The following COPG2 variants were observed in gnomAD, a reference collection of about 807,000 sequenced individuals.
The protein encoded by COPG2 is coat protein complex I subunit gamma 2, also known as coatomer subunit gamma-2.
A neutral mutation model predicts 46.3 loss-of-function variants in COPG2; 37 were observed. The ratio of observed to expected loss-of-function variants is 0.80; its 90% confidence interval spans 0.61 to 1.05. The LOEUF is 1.05. Among genes scored for constraint, COPG2 ranks in the 50% least tolerant of loss-of-function variants. The pLI is 0.00. For synonymous variants in COPG2, 159 were observed against 129.7 expected, an observed-to-expected ratio of 1.23 and a Z score of -1.53; for missense variants, 427 against 387.8, an observed-to-expected ratio of 1.10 and a Z score of -0.85.
intron 20 of COPG2, among the ~76,000 whole-genome samples, chr7:130,543,063 G>C (rs1411363621): frequency 2.6e-5 from 4 of 152,132 alleles, no homozygotes; most frequent in African/African-American, 9.7e-5. Flanking sequence ...CCTTATAGAG[G>C]GTGATGGTAA....
intron 6 of COPG2, among the ~76,000 whole-genome samples, chr7:130,616,577 G>A (rs781894714): frequency 1.3e-5 from 2 of 152,114 alleles, no homozygotes; most frequent in South Asian, 2.1e-4. Context: ...GCGAAAGCAC[G>A]AGACTCCGAC....
intron 9 of COPG2, among the ~76,000 whole-genome samples, chr7:130,597,947 G>A (rs560546460): frequency 1.3e-5 from 2 of 152,260 alleles, no homozygotes; most frequent in African/African-American, 4.8e-5. Flanking sequence ...TCAATAATAG[G>A]GATAGGGCTG....
intron 9 of COPG2, among the ~76,000 whole-genome samples, chr7:130,590,187 GCTCTCC>G (rs1247731684): frequency 3.3e-4 from 50 of 150,822 alleles, no homozygotes; most frequent in Admixed American, 7.9e-4. Flanking sequence ...GTTCAGGAGA[GCTCTCC>G]CTCTCCCTCT....
At chr7:130,543,732 T>C (rs2116375045) in intron 20 of COPG2, among the ~76,000 whole-genome samples, 1 of 152,312 alleles carries the variant, frequency 6.6e-6, no homozygotes, top group East Asian at 1.9e-4. Flanking sequence ...GTTTTTCCCC[T>C]AAGGCAAAAG....
chr7:130,625,077 T>C, intron 5 of COPG2, among the ~76,000 whole-genome samples: 1 of 152,232 alleles, frequency 6.6e-6, no homozygotes, highest in Non-Finnish European at 1.5e-5. Context: ...CAACATCTAT[T>C]GTTTTTTGAC....
rs1421513049 is a variant in COPG2 at position 130,652,869 on chromosome 7, C to T, written c.323G>A (p.Ser108Asn). The change falls in exon 5 of 24, where the codon AGT (serine) becomes AAT (asparagine). Residue 108 changes from serine (S) to asparagine (N), a missense_variant and splice_region_variant. Transcript: ENST00000425248. ...TCCTAGATTTTGACCATTTACATAC[C>T]TGCTTGTGACAATTATCACATCCTC... ...ISEDVIIVTS[S>N]LTKDMTGKED... 1 of 1,588,198 alleles carries T rather than the reference C, an allele frequency of 6.3e-7. No homozygotes were observed. The highest frequency in any genetic ancestry group is 8.6e-7 in the Non-Finnish European group (1 of 1,161,274).
chr7:130,602,445 T>C (rs1460850585), intron 9 of COPG2, among the ~76,000 whole-genome samples: 1 of 152,100 alleles, frequency 6.6e-6, no homozygotes, highest in African/African-American at 2.4e-5. Context: ...ATACACAGCA[T>C]ACTTTTACTT....
chr7:130,584,501 T>A (rs1024767640), intron 9 of COPG2, among the ~76,000 whole-genome samples: 8 of 151,932 alleles, frequency 5.3e-5, no homozygotes, highest in African/African-American at 1.9e-4. Context: ...TCCAAATCGA[T>A]AAAGAGGAAG....
Position 130,554,564 on chromosome 7 carries a change from T to C in COPG2, c.1385A>G (p.Glu462Gly). ...ATKILHLLGK[E>G]GPRTPVPSKY... ...GGAGGGGACAGGCGTTCTAGGGCCC[T>C]CTTTGCCCAACAAGTGTAGAATCTT... The change falls in exon 14 of 24, where the codon GAG (glutamate) becomes GGG (glycine). Residue 462 changes from glutamate (E) to glycine (G), a missense_variant. By Grantham distance (98) the Glu-to-Gly change is moderately conservative (BLOSUM62 -2). Coordinates refer to ENST00000425248, the MANE Select transcript of COPG2 (RefSeq NM_012133.6). 7.5e-6 allele frequency: 3 copies of C among 398,644 alleles called. No individual in the cohort carries two copies. Among genetic ancestry groups the C allele is most frequent in the East Asian group, 7.1e-5 (2 of 28,076 alleles). The allele number at this position is 398,644 out of a possible 1,614,324, so 24.7% of individuals were successfully genotyped here. A position where few individuals can be genotyped will look rare whatever the true frequency, so the allele number is the denominator to read the frequency against.
chr7:130,577,848 C>T (rs1431504669), intron 9 of COPG2, among the ~76,000 whole-genome samples: 5 of 151,810 alleles, frequency 3.3e-5, no homozygotes, highest in African/African-American at 7.3e-5. Flanking sequence ...GAGGGTCCTA[C>T]GCCCACGGAA....
chr7:130,508,324 GA>G (rs1368085817), intron 21 of COPG2: 19 of 395,238 alleles, frequency 4.8e-5, no homozygotes, highest in Admixed American at 8.2e-5. Flanking sequence ...CTATTATAAA[GA>G]AAAAAAAGGG....
intron 20 of COPG2, among the ~76,000 whole-genome samples, chr7:130,517,246 G>C (rs1799687038): frequency 6.6e-6 from 1 of 152,180 alleles, no homozygotes; most frequent in Non-Finnish European, 1.5e-5. Flanking sequence ...GAGCTGGCTA[G>C]CTGAGTAAAG....
chr7:130,643,340 T>C (rs563075586), intron 5 of COPG2, among the ~76,000 whole-genome samples: 4 of 151,910 alleles, frequency 2.6e-5, no homozygotes, highest in African/African-American at 4.8e-5. Context: ...TTTATCGACA[T>C]AGCTCCATCA....
At chr7:130,620,375 A>G (rs1329059197) in intron 5 of COPG2, among the ~76,000 whole-genome samples, 3 of 152,096 alleles carry the variant, frequency 2.0e-5, no homozygotes, top group African/African-American at 4.8e-5. Flanking sequence ...CTACCCCATA[A>G]CCACTTGATT....
intron 20 of COPG2, among the ~76,000 whole-genome samples, chr7:130,523,902 G>C (rs1799750175): frequency 6.6e-6 from 1 of 152,008 alleles, no homozygotes; most frequent in Admixed American, 6.5e-5. Flanking sequence ...GAGCGGAGGA[G>C]CCGGGTCTCA....
At chr7:130,511,782 T>A in intron 20 of COPG2, 1 of 519,236 alleles carries the variant, frequency 1.9e-6, no homozygotes, top group South Asian at 1.4e-5. Context: ...GTCGGCTGCA[T>A]GGGAAATACA....
chr7:130,610,199 G>A (rs1373383574), intron 9 of COPG2: 8 of 445,738 alleles, frequency 1.8e-5, no homozygotes, highest in Non-Finnish European at 3.0e-5. Context: ...TTAGAAAAGT[G>A]CAGGTCCTTT....
At chr7:130,509,562 AC>A (rs1305923953) in intron 20 of COPG2, 3 of 425,676 alleles carry the variant, frequency 7.0e-6, no homozygotes, top group African/African-American at 6.1e-5. Context: ...GGGTAATAAG[AC>A]TTTCATCTGC....
chr7:130,603,911 C>G (rs1554450829), intron 9 of COPG2: 1 of 507,574 alleles, frequency 2.0e-6, no homozygotes, highest in East Asian at 5.6e-5. Flanking sequence ...TTGTTGATAA[C>G]AAAAATAGTT....
Sources: gnomAD v4.1 joint callset for allele counts (sites outside exome capture counted in the v4.1 genomes callset) on GRCh38, gnomAD v4.1.1 for gene constraint, MANE v1.5 for transcripts, NCBI Gene and HGNC (gene_info 2026-07-23, HGNC 2026-07-21) for gene names.